CYP27C1: variants seen among roughly 807,000 people sequenced by gnomAD.
The protein encoded by CYP27C1 is cytochrome P450 family 27 subfamily C member 1.
CYP27C1 carries 29 observed loss-of-function variants against 40.6 expected under a neutral mutation model. The observed-to-expected ratio is 0.71, with a 90% confidence interval of 0.53 to 0.97. The LOEUF (loss-of-function observed/expected upper bound fraction) is 0.97. Ranked by LOEUF, CYP27C1 falls within the 50% of genes least tolerant of loss-of-function variation. The probability of loss-of-function intolerance (pLI) is 0.00; values close to 1 mark genes in which losing one functional copy is unlikely to be tolerated. For synonymous variants in CYP27C1, 198 were observed against 186.8 expected (o/e 1.06, Z -0.49); for missense variants, 390 against 485.8 (o/e 0.80, Z 1.85).
rs990483528 is a variant in CYP27C1 at position 127,216,544 on chromosome 2, G to A, written c.282+3445C>T. 2.0e-5 allele frequency among the ~76,000 whole-genome samples: 3 copies of A among 152,272 alleles called. No individual in the cohort carries two copies. The East Asian group carries it at 5.8e-4, about 29-fold the overall frequency. On this transcript the variant is annotated intron_variant, in intron 1 of 8. Coordinates refer to ENST00000664447, the MANE Select transcript of CYP27C1 (RefSeq NM_001367502.1). The stretch of plus-strand genomic sequence containing the variant: ...TAGCTTGGTGGTTGCTTAAAGCAGG[G>A]GGAATAGGAGAGTTGGGGGTGATAG...
At chr2:127,207,241 T>C (rs1171786953) in intron 1 of CYP27C1, among the ~76,000 whole-genome samples, 2 of 152,186 alleles carry the variant, frequency 1.3e-5, no homozygotes, top group African/African-American at 4.8e-5. Flanking sequence ...ATGCCTGTAC[T>C]CTCTGCACTT....
chr2:127,219,161 A>G lies in CYP27C1; in HGVS notation c.282+828T>C, dbSNP rs1312650088. 6.6e-6 allele frequency among the ~76,000 whole-genome samples: 1 copy of G among 151,554 alleles called. No individual in the cohort carries two copies. Among genetic ancestry groups the G allele is most frequent in the Non-Finnish European group, 1.5e-5 (1 of 67,896 alleles). Reference sequence around the variant, plus strand: ...CAAAAAGGACTAGAAATGAATACACACGGTCTCGGCCACCTAAGGACACCG... The same window carrying G: ...CAAAAAGGACTAGAAATGAATACACGCGGTCTCGGCCACCTAAGGACACCG... On this transcript the variant is annotated intron_variant, in intron 1 of 8. Coordinates refer to ENST00000664447, the MANE Select transcript of CYP27C1 (RefSeq NM_001367502.1). This position sits in a 1 kb window ranked among gnomAD's most constrained non-coding sequence, Gnocchi z 8.7.
rs939586100 is a variant in CYP27C1 at position 127,201,765 on chromosome 2, C to A, written c.674-434G>T. 6.6e-6 allele frequency among the ~76,000 whole-genome samples: 1 copy of A among 152,166 alleles called. No individual in the cohort carries two copies. The highest frequency in any genetic ancestry group is 2.4e-5 in the African/African-American group (1 of 41,440). On this transcript the variant is annotated intron_variant, in intron 3 of 8. Coordinates refer to ENST00000664447, the MANE Select transcript of CYP27C1 (RefSeq NM_001367502.1). The surrounding 1 kb of genome is among the most constrained non-coding windows in gnomAD (Gnocchi z 6.0). Reference sequence around the variant, plus strand: ...GAAGGAGTCGGCAAACCTCACATGGCCTCTCCCTGCCCCACCTGGCCACTG... The same window carrying A: ...GAAGGAGTCGGCAAACCTCACATGGACTCTCCCTGCCCCACCTGGCCACTG...
Position 127,204,549 on chromosome 2 carries a change from GAGAGAGAGAAAGAAAGAAAGAAAGAA to G in CYP27C1, c.474-1004_474-979del, listed in dbSNP as rs1683163171. ...AGAAAGAAAGAAAGAGAGAGAGAGA[GAGAGAGAGAAAGAAAGAAAGAAAGAA>G]AGAAAGAAAGAAAGAAAGAAAGAAA... On this transcript the variant is annotated intron_variant, in intron 2 of 8. Transcript: ENST00000664447. Among the ~76,000 whole-genome samples, 34 of 77,932 alleles carry G rather than the reference GAGAGAGAGAAAGAAAGAAAGAAAGAA, an allele frequency of 4.4e-4. 1 individual carries two copies. In the South Asian group the frequency reaches 5.7e-3, roughly 13 times the overall value. The allele number at this position is 77,932 out of a possible 152,430, so 51.1% of individuals were successfully genotyped here. A position where few individuals can be genotyped will look rare whatever the true frequency, so the allele number is the denominator to read the frequency against.
chr2:127,200,586 G>A lies in CYP27C1; in HGVS notation c.883+536C>T, dbSNP rs1683009999. 6.6e-6 allele frequency among the ~76,000 whole-genome samples: 1 copy of A among 152,102 alleles called. No individual in the cohort carries two copies. The highest frequency in any genetic ancestry group is 2.1e-4 in the South Asian group (1 of 4,826). On this transcript the variant is annotated intron_variant, in intron 4 of 8. Coordinates refer to ENST00000664447, the MANE Select transcript of CYP27C1 (RefSeq NM_001367502.1). The surrounding 1 kb of genome is among the most constrained non-coding windows in gnomAD (Gnocchi z 4.2). ...TGTACCTGTCCCTGCTAGCATGCTA[G>A]TGAAAATAAAAATTATTTTAAAATG...
At chr2:127,189,323 C>G (rs1201944858) in intron 8 of CYP27C1, among the ~76,000 whole-genome samples, 3 of 152,050 alleles carry the variant, frequency 2.0e-5, no homozygotes, top group East Asian at 1.9e-4. Flanking sequence ...TTCCCAGTAG[C>G]CTTCAGGCAT....
Position 127,208,140 on chromosome 2 carries a change from AAAACAT to A in CYP27C1, c.283-2056_283-2051del, listed in dbSNP as rs1388332840. On this transcript the variant is annotated intron_variant, in intron 1 of 8. Coordinates refer to ENST00000664447, the MANE Select transcript of CYP27C1 (RefSeq NM_001367502.1). This position sits in a 1 kb window ranked among gnomAD's most constrained non-coding sequence, Gnocchi z 5.2. ...TGGTGCTCAGAGGCTCCCATCAAAA[AAAACAT>A]AATAAGCATGTGAAACCTTCCCTGG... Among the ~76,000 whole-genome samples the A allele has an allele frequency of 6.6e-6, 1 of 152,196 alleles. No individual in the cohort carries two copies. The highest frequency in any genetic ancestry group is 1.5e-5 in the Non-Finnish European group (1 of 68,040).
chr2:127,200,265 C>A lies in CYP27C1; in HGVS notation c.884-726G>T, dbSNP rs1683004134. On this transcript the variant is annotated intron_variant, in intron 4 of 8. Coordinates refer to ENST00000664447, the MANE Select transcript of CYP27C1 (RefSeq NM_001367502.1). The surrounding 1 kb of genome is among the most constrained non-coding windows in gnomAD (Gnocchi z 4.2). The stretch of plus-strand genomic sequence containing the variant: ...AAAGTGCTGGGATTACAGGCGTGAG[C>A]CACTGCACCCAGCCTAAATATTGAT... 6.6e-6 allele frequency among the ~76,000 whole-genome samples: 1 copy of A among 152,230 alleles called. No homozygotes were observed. The highest frequency in any genetic ancestry group is 2.1e-4 in the South Asian group (1 of 4,834).
At chr2:127,199,056 G>A (rs1278575159) in intron 5 of CYP27C1, among the ~76,000 whole-genome samples, 3 of 152,182 alleles carry the variant, frequency 2.0e-5, no homozygotes, top group Admixed American at 6.5e-5. Context: ...AGGCCAAGGC[G>A]GGTGGATCAC....
chr2:127,189,620 T>TTAA (rs1282885732), intron 8 of CYP27C1, among the ~76,000 whole-genome samples: 11 of 70,528 alleles, frequency 1.6e-4, no homozygotes, highest in African/African-American at 5.6e-4. Flanking sequence ...TAAAGTAAAA[T>TTAA]TAAAAAAAAA....
rs2104696239 is a variant in CYP27C1 at position 127,208,023 on chromosome 2, A to C, written c.283-1933T>G. 6.6e-6 allele frequency among the ~76,000 whole-genome samples: 1 copy of C among 152,314 alleles called. No homozygotes were observed. Among genetic ancestry groups the C allele is most frequent in the Middle Eastern group, 3.4e-3 (1 of 294 alleles). On this transcript the variant is annotated intron_variant, in intron 1 of 8. Transcript: ENST00000664447. This position sits in a 1 kb window ranked among gnomAD's most constrained non-coding sequence, Gnocchi z 5.2. The stretch of plus-strand genomic sequence containing the variant: ...GCAAGAGACCCAGAATAGCCTAAAC[A>C]ATCTCGAAAAAAGAACAAAGCTGGT...
intron 1 of CYP27C1, among the ~76,000 whole-genome samples, chr2:127,213,223 G>A (rs779059027): frequency 4.6e-5 from 7 of 151,774 alleles, no homozygotes; most frequent in Non-Finnish European, 1.0e-4. Flanking sequence ...AATCAATATC[G>A]TGAAAATGGC....
chr2:127,187,306 C>T lies in CYP27C1; in HGVS notation c.1579G>A (p.Gly527Arg), dbSNP rs758698967. The T allele has an allele frequency of 5.0e-6, 8 of 1,614,140 alleles. No homozygotes were observed. Among genetic ancestry groups the T allele is most frequent in the Non-Finnish European group, 6.8e-6 (8 of 1,180,028 alleles). ...TTAACAAATCGCACGTGGATGGGCCCCCCTGGCGTCAGGAGCCCGTGGGTT... is the reference window on the plus strand; with the variant it reads ...TTAACAAATCGCACGTGGATGGGCCTCCCTGGCGTCAGGAGCCCGTGGGTT... ...AKTHGLLTPG[G>R]PIHVRFVNRK The change falls in exon 9 of 9, where the codon GGG (glycine) becomes AGG (arginine). Residue 527 changes from glycine (G) to arginine (R), a missense_variant. Coordinates refer to ENST00000664447, the MANE Select transcript of CYP27C1 (RefSeq NM_001367502.1).
chr2:127,187,327 G>T lies in CYP27C1; in HGVS notation c.1558C>A (p.His520Asn). ...SQTNAVHAKTHGLLTPGGPIH... is the reference protein window; with the variant it reads ...SQTNAVHAKTNGLLTPGGPIH... Reference sequence around the variant, plus strand: ...GGCCCCCCTGGCGTCAGGAGCCCGTGGGTTTTTGCATGAACAGCATTGGTC... The same window carrying T: ...GGCCCCCCTGGCGTCAGGAGCCCGTTGGTTTTTGCATGAACAGCATTGGTC... Residue 520 changes from histidine to asparagine, a missense_variant, in exon 9 of 9, where the codon CAC becomes AAC. Physicochemically the swap from His to Asn is moderately conservative, Grantham distance 68. Coordinates refer to ENST00000664447, the MANE Select transcript of CYP27C1 (RefSeq NM_001367502.1). 6.2e-7 allele frequency: 1 copy of T among 1,614,166 alleles called. No individual in the cohort carries two copies. The highest frequency in any genetic ancestry group is 8.5e-7 in the Non-Finnish European group (1 of 1,180,036).
chr2:127,191,990 C>T (rs914553853), intron 8 of CYP27C1, among the ~76,000 whole-genome samples: 1 of 152,222 alleles, frequency 6.6e-6, no homozygotes, highest in African/African-American at 2.4e-5. Context: ...CCCTTACCTT[C>T]TCCAGCTCTG....
chr2:127,216,732 A>T (rs1348067513), intron 1 of CYP27C1, among the ~76,000 whole-genome samples: 2 of 152,208 alleles, frequency 1.3e-5, no homozygotes, highest in Admixed American at 1.3e-4. Flanking sequence ...ATGTAAATAG[A>T]CTAAATTATT....
rs1348322397 is a variant in CYP27C1 at position 127,204,551 on chromosome 2, G to GAAAGAA, written c.474-981_474-980insTTCTTT. 1.9e-3 allele frequency among the ~76,000 whole-genome samples: 97 copies of GAAAGAA among 51,248 alleles called. 1 individual carries two copies. Among genetic ancestry groups the GAAAGAA allele is most frequent in the East Asian group, 8.5e-3 (8 of 940 alleles). 33.6% of individuals were successfully genotyped at this position (51,248 alleles called of 152,430 possible). A position where few individuals can be genotyped will look rare whatever the true frequency, so the allele number is the denominator to read the frequency against. On this transcript the variant is annotated intron_variant, in intron 2 of 8. Coordinates refer to ENST00000664447, the MANE Select transcript of CYP27C1 (RefSeq NM_001367502.1). ...AAAGAAAGAAAGAGAGAGAGAGAGA[G>GAAAGAA]AGAGAGAAAGAAAGAAAGAAAGAAA...
Position 127,184,423 on chromosome 2 carries a change from T to G in CYP27C1, c.*2848A>C, listed in dbSNP as rs913462565. The G allele has an allele frequency of 4.6e-5, 7 of 151,954 alleles. No homozygotes were observed. Among genetic ancestry groups the G allele is most frequent in the African/African-American group, 1.7e-4 (7 of 41,340 alleles). 9.4% of individuals were successfully genotyped at this position (151,954 alleles called of 1,614,324 possible). On this transcript the variant is annotated 3_prime_UTR_variant, in exon 9 of 9. Transcript: ENST00000664447. Reference sequence around the variant, plus strand: ...TTTTTTTTTTGCTTTTTGGTTTTTGTTTTTTTTAGATACGGAGTTTCGTTC... The same window carrying G: ...TTTTTTTTTTGCTTTTTGGTTTTTGGTTTTTTTAGATACGGAGTTTCGTTC...
intron 2 of CYP27C1, among the ~76,000 whole-genome samples, chr2:127,204,027 G>A (rs1423286199): frequency 6.6e-6 from 1 of 151,804 alleles, no homozygotes; most frequent in East Asian, 1.9e-4. Context: ...CACTTTAGGA[G>A]GCCAAGATGG....
Sources: allele counts gnomAD v4.1 joint callset (sites outside exome capture counted in the v4.1 genomes callset), GRCh38; gene constraint gnomAD v4.1.1; non-coding constraint Gnocchi (gnomAD v3.1); transcripts MANE v1.5; gene names NCBI Gene and HGNC (gene_info 2026-07-23, HGNC 2026-07-21).